GAB2: variants seen among roughly 807,000 people sequenced by gnomAD.
GAB2 encodes the protein GRB2 associated binding protein 2.
A neutral mutation model predicts 65.5 loss-of-function variants in GAB2; 26 were observed. The observed-to-expected ratio is 0.40, with a 90% CI of 0.29 to 0.55. The LOEUF (loss-of-function observed/expected upper bound fraction) is 0.55. Among genes scored for constraint, GAB2 ranks in the 20% least tolerant of loss-of-function variants. GAB2 has a pLI of 0.53. For synonymous variants in GAB2, 321 were observed against 329.6 expected (o/e 0.97, Z 0.28); for missense variants, 884 against 875.8 (o/e 1.01, Z -0.12).
intron 2 of GAB2, among the ~76,000 whole-genome samples, chr11:78,269,955 G>A (rs911717998): frequency 5.7e-4 from 86 of 152,148 alleles, no homozygotes; most frequent in Admixed American, 5.6e-3. Context: ...TTACAAAATG[G>A]GGCTCTGGTG....
chr11:78,228,090 C>G (rs968689057), intron 3 of GAB2, among the ~76,000 whole-genome samples: 1 of 152,310 alleles, frequency 6.6e-6, no homozygotes, highest in South Asian at 2.1e-4. Context: ...GCTACTGATA[C>G]GTGCTGTGTG....
chr11:78,289,952 A>G (rs1274497444), intron 1 of GAB2, among the ~76,000 whole-genome samples: 4 of 151,622 alleles, frequency 2.6e-5, no homozygotes, highest in Non-Finnish European at 5.9e-5. Flanking sequence ...GAGGAAAGGA[A>G]GAGTTTGGAG....
chr11:78,407,042 T>G (rs1287870340), intron 1 of GAB2, among the ~76,000 whole-genome samples: 2 of 151,936 alleles, frequency 1.3e-5, no homozygotes, highest in Non-Finnish European at 2.9e-5. Context: ...AGAAATAACC[T>G]AATATGAACA....
chr11:78,268,472 T>C (rs1865924357), intron 2 of GAB2, among the ~76,000 whole-genome samples: 1 of 152,130 alleles, frequency 6.6e-6, no homozygotes, highest in Non-Finnish European at 1.5e-5. Context: ...TCTAGCCCAA[T>C]ATTAGAGTTA....
intron 1 of GAB2, among the ~76,000 whole-genome samples, chr11:78,303,677 G>C (rs1220239716): frequency 2.0e-5 from 3 of 152,150 alleles, no homozygotes; most frequent in Non-Finnish European, 4.4e-5. Context: ...TTTAGAATCA[G>C]TTTGTCAATT....
chr11:78,312,378 A>T (rs1201769545), intron 1 of GAB2, among the ~76,000 whole-genome samples: 1 of 152,116 alleles, frequency 6.6e-6, no homozygotes, highest in East Asian at 1.9e-4. Context: ...ATAAGAGTTC[A>T]TTCCATCCTT....
Position 78,383,084 on chromosome 11 carries a change from C to A in GAB2, c.75+34562G>T, listed in dbSNP as rs1193557828. On this transcript the variant is annotated intron_variant, in intron 1 of 9. Transcript: ENST00000361507. Reference sequence around the variant, plus strand: ...GGTCAGGAATTCAAGACGAGCCTGACCAACATGGCAAAACCTTGTCTCTAC... The same window carrying A: ...GGTCAGGAATTCAAGACGAGCCTGAACAACATGGCAAAACCTTGTCTCTAC... Among the ~76,000 whole-genome samples, 5 of 151,924 alleles carry A rather than the reference C, an allele frequency of 3.3e-5. No individual in the cohort carries two copies. The East Asian group carries it at 9.8e-4, about 30-fold the overall frequency.
intron 3 of GAB2, among the ~76,000 whole-genome samples, chr11:78,248,742 T>C (rs886918973): frequency 1.3e-5 from 2 of 152,212 alleles, no homozygotes; most frequent in African/African-American, 4.8e-5. Context: ...GTTAATTAGG[T>C]TAAATAATTG....
intron 2 of GAB2, 95 bp from the exon 3 acceptor site, chr11:78,250,495 G>C (rs540259547): frequency 1.8e-6 from 2 of 1,137,846 alleles, no homozygotes; most frequent in South Asian, 2.7e-5. Context: ...AGTAAGAGCA[G>C]AGAAAATAAT....
At chr11:78,253,004 C>CTTTTTTTTTT (rs984989129) in intron 2 of GAB2, among the ~76,000 whole-genome samples, 10 of 106,948 alleles carry the variant, frequency 9.4e-5, no homozygotes, top group African/African-American at 2.9e-4. Context: ...AATATCTTTC[C>CTTTTTTTTTT]TTTTTTTTTT....
chr11:78,318,572 G>T (rs542270196), intron 1 of GAB2, among the ~76,000 whole-genome samples: 16 of 152,074 alleles, frequency 1.1e-4, no homozygotes, highest in African/African-American at 3.6e-4. Context: ...AACGGCAGTG[G>T]CAGTAGGGAA....
At chr11:78,269,431 G>A (rs982839066) in intron 2 of GAB2, among the ~76,000 whole-genome samples, 1 of 152,146 alleles carries the variant, frequency 6.6e-6, no homozygotes, top group Admixed American at 6.5e-5. Flanking sequence ...TTTTCATGGT[G>A]GGGGAAGGAC....
intron 1 of GAB2, among the ~76,000 whole-genome samples, chr11:78,296,135 G>C (rs1452794492): frequency 7.2e-5 from 11 of 152,114 alleles, no homozygotes; most frequent in Non-Finnish European, 1.2e-4. Flanking sequence ...TGTCACCGCT[G>C]ATCTGATGGG....
intron 1 of GAB2, among the ~76,000 whole-genome samples, chr11:78,314,192 T>C (rs1033571563): frequency 6.6e-6 from 1 of 152,204 alleles, no homozygotes; most frequent in Non-Finnish European, 1.5e-5. Flanking sequence ...TGGCCATTAA[T>C]ATTTCCAAAA....
At chr11:78,267,993 G>C (rs1475699846) in intron 2 of GAB2, among the ~76,000 whole-genome samples, 1 of 151,664 alleles carries the variant, frequency 6.6e-6, no homozygotes, top group Non-Finnish European at 1.5e-5. Flanking sequence ...AATTTCTGTA[G>C]CGCAGCCCTG....
At chr11:78,401,505 C>CCTGTGTGTGTGTGTGTGTGTGTGT (rs1555000328) in intron 1 of GAB2, among the ~76,000 whole-genome samples, 2 of 125,012 alleles carry the variant, frequency 1.6e-5, no homozygotes, top group African/African-American at 5.9e-5. Context: ...GAACAGTATT[C>CCTGTGTGTGTGTGTGTGTGTGTGT]GTGTGTGTGT....
chr11:78,357,724 G>A (rs181354354), intron 1 of GAB2, among the ~76,000 whole-genome samples: 62 of 152,310 alleles, frequency 4.1e-4, no homozygotes, highest in African/African-American at 1.3e-3. Flanking sequence ...CCAGACAAAT[G>A]CAAATCAAAA....
intron 1 of GAB2, among the ~76,000 whole-genome samples, chr11:78,366,993 A>C (rs986027643): frequency 6.6e-6 from 1 of 152,128 alleles, no homozygotes; most frequent in East Asian, 1.9e-4. Flanking sequence ...AAAAAATACA[A>C]GACAGGTCCC....
At chr11:78,377,564 T>A (rs893511249) in intron 1 of GAB2, among the ~76,000 whole-genome samples, 2 of 152,100 alleles carry the variant, frequency 1.3e-5, no homozygotes, top group African/African-American at 4.8e-5. Context: ...CCAGGCAAGT[T>A]TAACTCACTT....
Sources: allele counts gnomAD v4.1 joint callset (sites outside exome capture counted in the v4.1 genomes callset), GRCh38; gene constraint gnomAD v4.1.1; transcripts MANE v1.5; gene names NCBI Gene and HGNC (gene_info 2026-07-23, HGNC 2026-07-21).